The following DCLK1 variants were observed in gnomAD, a reference collection of about 807,000 sequenced individuals.
DCLK1 encodes doublecortin like kinase 1, also known as serine/threonine-protein kinase DCLK1.
A neutral mutation model predicts 86.2 loss-of-function variants in DCLK1; 16 were observed. That is an observed-to-expected ratio of 0.19 (90% CI 0.13 to 0.28). The LOEUF (loss-of-function observed/expected upper bound fraction) is 0.28. Among genes scored for constraint, DCLK1 ranks in the 10% least tolerant of loss-of-function variants. The probability of loss-of-function intolerance (pLI) is 1.00; values close to 1 mark genes in which losing one functional copy is unlikely to be tolerated. For synonymous variants in DCLK1, 369 were observed against 370.5 expected, an observed-to-expected ratio of 1.00 and a Z score of 0.05; for missense variants, 590 against 940.2, an observed-to-expected ratio of 0.63 and a Z score of 4.87.
intron 4 of DCLK1, among the ~76,000 whole-genome samples, chr13:35,928,718 C>T (rs1036958934): frequency 1.2e-4 from 18 of 152,216 alleles, no homozygotes; most frequent in African/African-American, 4.1e-4. Context: ...TAGATATTCA[C>T]TCACTATTAG....
At chr13:35,849,080 A>G in intron 6 of DCLK1, 4 of 985,350 alleles carry the variant, frequency 4.1e-6, no homozygotes, top group Non-Finnish European at 4.8e-6. Context: ...CTTTCTCTCC[A>G]ACAGACAGCA....
intron 11 of DCLK1, among the ~76,000 whole-genome samples, chr13:35,819,405 TTAAAAA>T (rs1365009081): frequency 9.9e-5 from 15 of 152,128 alleles, no homozygotes; most frequent in African/African-American, 3.4e-4. Context: ...TCTATAAGAA[TTAAAAA>T]TAAAAAACGC....
intron 15 of DCLK1, among the ~76,000 whole-genome samples, chr13:35,802,998 A>G (rs533818471): frequency 2.3e-4 from 35 of 152,334 alleles, no homozygotes; most frequent in Non-Finnish European, 4.7e-4. Context: ...ATTAGCAATC[A>G]TTACAGTGAT....
rs560427406 is a variant in DCLK1 at position 35,768,934 on chromosome 13, C to T, written c.*5601G>A. 1 of 152,138 alleles carries T rather than the reference C, an allele frequency of 6.6e-6. No individual in the cohort carries two copies. The highest frequency in any genetic ancestry group is 2.4e-5 in the African/African-American group (1 of 41,428). The allele number at this position is 152,138 out of a possible 1,614,324, so 9.4% of individuals were successfully genotyped here. On this transcript the variant is annotated 3_prime_UTR_variant, in exon 17 of 17. Transcript: ENST00000360631. Reference sequence around the variant, plus strand: ...AAGGTGAAATTTTACTCCAATATGGCAAATGAACTGAGGAGCGTACCCTTC... The same window carrying T: ...AAGGTGAAATTTTACTCCAATATGGTAAATGAACTGAGGAGCGTACCCTTC...
chr13:36,075,183 G>T (rs1884149066), intron 3 of DCLK1, among the ~76,000 whole-genome samples: 1 of 152,174 alleles, frequency 6.6e-6, no homozygotes, highest in Non-Finnish European at 1.5e-5. Context: ...GGTTATTGAA[G>T]GTGAAGAATA....
At chr13:35,912,677 G>C (rs1001172497) in intron 4 of DCLK1, among the ~76,000 whole-genome samples, 1 of 152,126 alleles carries the variant, frequency 6.6e-6, no homozygotes, top group Non-Finnish European at 1.5e-5. Flanking sequence ...TCAAGTATCT[G>C]TGTAACTAAT....
chr13:36,084,443 G>C (rs1329863814), intron 3 of DCLK1, among the ~76,000 whole-genome samples: 1 of 152,102 alleles, frequency 6.6e-6, no homozygotes, highest in African/African-American at 2.4e-5. Context: ...AAAAGAAATA[G>C]CTAAACAGAA....
intron 3 of DCLK1, among the ~76,000 whole-genome samples, chr13:36,065,082 G>T (rs1412341828): frequency 6.6e-6 from 1 of 152,216 alleles, no homozygotes; most frequent in Non-Finnish European, 1.5e-5. Flanking sequence ...TCTATGGAAA[G>T]CATGAACACA....
At chr13:35,976,529 T>G (rs1462987528) in intron 3 of DCLK1, among the ~76,000 whole-genome samples, 1 of 108,180 alleles carries the variant, frequency 9.2e-6, no homozygotes, top group Admixed American at 1.1e-4. Flanking sequence ...TCCGAGGTTT[T>G]TTTTTTTTTT....
Position 35,811,108 on chromosome 13 carries a change from A to G in DCLK1, c.1555-140T>C, listed in dbSNP as rs1174711164. Reference sequence around the variant, plus strand: ...TAGGCAATTATGCAAGAATGGATATACATACAAAATAGCTTACTTCCTTTA... The same window carrying G: ...TAGGCAATTATGCAAGAATGGATATGCATACAAAATAGCTTACTTCCTTTA... On this transcript the variant is annotated intron_variant, in intron 11 of 16. Transcript: ENST00000360631. The G allele has an allele frequency of 3.9e-6, 4 of 1,019,736 alleles. No homozygotes were observed. The African/African-American group carries it at 4.9e-5, about 13-fold the overall frequency. The allele number at this position is 1,019,736 out of a possible 1,614,324, so 63.2% of individuals were successfully genotyped here.
At chr13:35,920,805 G>A (rs1000002557) in intron 4 of DCLK1, among the ~76,000 whole-genome samples, 2 of 152,044 alleles carry the variant, frequency 1.3e-5, no homozygotes, top group East Asian at 1.9e-4. Flanking sequence ...ACACAGCTGC[G>A]TGTATCTCCT....
chr13:35,843,700 A>T (rs981162858), intron 6 of DCLK1, among the ~76,000 whole-genome samples: 3 of 152,232 alleles, frequency 2.0e-5, no homozygotes, highest in Admixed American at 6.5e-5. Flanking sequence ...CTTTGGCTGG[A>T]TAATTGCACC....
intron 3 of DCLK1, among the ~76,000 whole-genome samples, chr13:36,011,977 T>C (rs1881292814): frequency 6.7e-6 from 1 of 150,092 alleles, no homozygotes. Flanking sequence ...TTTACCATTA[T>C]ATAATGGCCT....
chr13:36,099,674 T>G (rs1009278108), intron 3 of DCLK1, among the ~76,000 whole-genome samples: 1 of 152,236 alleles, frequency 6.6e-6, no homozygotes, highest in Non-Finnish European at 1.5e-5. Flanking sequence ...AAGACATTTA[T>G]GTTAAAAAGC....
chr13:35,940,033 C>T (rs1876991697), intron 4 of DCLK1, among the ~76,000 whole-genome samples: 1 of 152,110 alleles, frequency 6.6e-6, no homozygotes, highest in African/African-American at 2.4e-5. Flanking sequence ...ATAGCCTGGC[C>T]AACAGGGCAA....
chr13:36,108,912 A>G (rs1338666822), intron 3 of DCLK1, among the ~76,000 whole-genome samples: 1 of 152,184 alleles, frequency 6.6e-6, no homozygotes, highest in Non-Finnish European at 1.5e-5. Flanking sequence ...GTGCCACCCC[A>G]CTATGGCCAA....
intron 16 of DCLK1, among the ~76,000 whole-genome samples, chr13:35,790,336 T>C (rs1236876122): frequency 6.6e-6 from 1 of 152,180 alleles, no homozygotes; most frequent in Non-Finnish European, 1.5e-5. Flanking sequence ...TCACAGATTC[T>C]CTGATGAGCA....
chr13:35,826,684 C>T (rs1183621607), intron 10 of DCLK1, among the ~76,000 whole-genome samples: 2 of 151,828 alleles, frequency 1.3e-5, no homozygotes, highest in Non-Finnish European at 2.9e-5. Context: ...AACTTAAAGA[C>T]CCTAGAATGA....
chr13:35,803,387 A>G (rs565608409), intron 15 of DCLK1, among the ~76,000 whole-genome samples: 3 of 152,336 alleles, frequency 2.0e-5, no homozygotes, highest in Admixed American at 1.3e-4. Context: ...CTGGCTGTAC[A>G]GCCCCCTGTC....
Sources: gnomAD v4.1 joint callset for allele counts (sites outside exome capture counted in the v4.1 genomes callset) on GRCh38, gnomAD v4.1.1 for gene constraint, MANE v1.5 for transcripts, NCBI Gene and HGNC (gene_info 2026-07-23, HGNC 2026-07-21) for gene names.